Variants in SCHIP1 observed in about 807,000 individuals in gnomAD.
The protein encoded by SCHIP1 is schwannomin interacting protein 1, also known as schwannomin-interacting protein 1.
SCHIP1 carries 8 observed loss-of-function variants against 29.7 expected under a neutral mutation model. The observed-to-expected ratio is 0.27, with a 90% CI of 0.16 to 0.49. The LOEUF (loss-of-function observed/expected upper bound fraction) is 0.49, where lower values mean the gene tolerates loss of function less well. Among genes scored for constraint, SCHIP1 ranks in the 20% least tolerant of loss-of-function variants. The probability of loss-of-function intolerance (pLI) is 0.99; values close to 1 mark genes in which losing one functional copy is unlikely to be tolerated. For missense variants in SCHIP1, 193 were observed against 294.6 expected (o/e 0.66, Z 2.52); for synonymous variants, 76 against 94.9 (o/e 0.80, Z 1.16).
chr3:159,741,081 G>A, the SCHIP1 span, among the ~76,000 whole-genome samples: 2 of 152,134 alleles, frequency 1.3e-5, no homozygotes, highest in Non-Finnish European at 2.9e-5. Flanking sequence ...GCTCCCTGAA[G>A]AGAGGTATTG....
At chr3:159,427,510 A>C in the SCHIP1 span, among the ~76,000 whole-genome samples, 1 of 152,186 alleles carries the variant, frequency 6.6e-6, no homozygotes, top group Non-Finnish European at 1.5e-5. Context: ...GACCTCTTCA[A>C]GGAGAACTAC....
chr3:159,549,070 T>G, the SCHIP1 span, among the ~76,000 whole-genome samples: 15 of 152,260 alleles, frequency 9.9e-5, no homozygotes, highest in African/African-American at 3.6e-4. Flanking sequence ...GAACTGAAAT[T>G]GCAAACTCTA....
chr3:159,607,571 C>T, the SCHIP1 span, among the ~76,000 whole-genome samples: 1 of 151,954 alleles, frequency 6.6e-6, no homozygotes, highest in Non-Finnish European at 1.5e-5. Flanking sequence ...AGAACCAGGG[C>T]CACAGAGAAT....
chr3:159,610,838 A>G, the SCHIP1 span, among the ~76,000 whole-genome samples: 1 of 152,260 alleles, frequency 6.6e-6, no homozygotes, highest in Admixed American at 6.5e-5. Context: ...GAAGAGCTCA[A>G]TGAAACATCC....
At chr3:159,736,705 C>G in the SCHIP1 span, among the ~76,000 whole-genome samples, 1 of 152,056 alleles carries the variant, frequency 6.6e-6, no homozygotes, top group East Asian at 1.9e-4. Flanking sequence ...ACGTTCTCCC[C>G]ACACCTACCC....
the SCHIP1 span, among the ~76,000 whole-genome samples, chr3:159,686,996 A>C: frequency 6.6e-6 from 1 of 152,276 alleles, no homozygotes; most frequent in Admixed American, 6.5e-5. Context: ...CCACTACAGA[A>C]GTGCCCACAC....
the SCHIP1 span, among the ~76,000 whole-genome samples, chr3:159,512,415 T>C: frequency 6.6e-6 from 1 of 152,184 alleles, no homozygotes; most frequent in East Asian, 1.9e-4. Context: ...TATGAGTATT[T>C]CATAGCCCAG....
At chr3:159,466,970 A>G in the SCHIP1 span, among the ~76,000 whole-genome samples, 1 of 152,096 alleles carries the variant, frequency 6.6e-6, no homozygotes, top group African/African-American at 2.4e-5. Context: ...TTTCAATAAT[A>G]AATAAACAAC....
the SCHIP1 span, among the ~76,000 whole-genome samples, chr3:159,414,352 A>T: frequency 6.6e-6 from 1 of 152,188 alleles, no homozygotes; most frequent in Non-Finnish European, 1.5e-5. Context: ...CCCGGTAAGC[A>T]TTATTGTCTT....
chr3:159,663,973 G>A, the SCHIP1 span, among the ~76,000 whole-genome samples: 5 of 152,012 alleles, frequency 3.3e-5, no homozygotes, highest in Non-Finnish European at 5.9e-5. Flanking sequence ...TTTTAAAATC[G>A]CTAACTCGGT....
chr3:159,634,500 G>T, the SCHIP1 span, among the ~76,000 whole-genome samples: 13 of 152,254 alleles, frequency 8.5e-5, no homozygotes, highest in Middle Eastern at 3.4e-3. Context: ...TTAGTCGTTG[G>T]TTTCACAAAG....
At chr3:159,831,239 T>A in the SCHIP1 span, among the ~76,000 whole-genome samples, 1 of 152,198 alleles carries the variant, frequency 6.6e-6, no homozygotes, top group Non-Finnish European at 1.5e-5. Context: ...GATGATTTAG[T>A]GTGTCATGAA....
At chr3:159,650,508 C>A in the SCHIP1 span, among the ~76,000 whole-genome samples, 5 of 152,122 alleles carry the variant, frequency 3.3e-5, no homozygotes, top group African/African-American at 1.2e-4. Context: ...CAGCTATAAA[C>A]TTCCACAATA....
the SCHIP1 span, among the ~76,000 whole-genome samples, chr3:159,351,453 A>G: frequency 0.22 from 33,784 of 152,090 alleles, 3,910 homozygotes; most frequent in Middle Eastern, 0.29. Flanking sequence ...TGTGTTTTCA[A>G]TGAGTTAGGG....
At chr3:159,831,601 TA>T in the SCHIP1 span, among the ~76,000 whole-genome samples, 2 of 152,192 alleles carry the variant, frequency 1.3e-5, no homozygotes, top group African/African-American at 4.8e-5. Context: ...TTGAGGTCGT[TA>T]TTAAGTAAAG....
the SCHIP1 span, among the ~76,000 whole-genome samples, chr3:159,770,250 A>G: frequency 5.3e-5 from 8 of 152,168 alleles, no homozygotes; most frequent in Admixed American, 3.9e-4. Flanking sequence ...TTATGGACAC[A>G]TGTATACACT....
At chr3:159,694,679 T>G in the SCHIP1 span, among the ~76,000 whole-genome samples, 2 of 152,022 alleles carry the variant, frequency 1.3e-5, no homozygotes, top group African/African-American at 2.4e-5. Context: ...TCCCCTAAAT[T>G]TACAACTGAG....
chr3:159,458,900 T>C, the SCHIP1 span, among the ~76,000 whole-genome samples: 1 of 152,212 alleles, frequency 6.6e-6, no homozygotes, highest in East Asian at 1.9e-4. Flanking sequence ...GGGACTTTCC[T>C]GAGCTTGTGC....
chr3:159,611,341 A>G, the SCHIP1 span, among the ~76,000 whole-genome samples: 1 of 152,134 alleles, frequency 6.6e-6, no homozygotes, highest in African/African-American at 2.4e-5. Context: ...TTGCAATACT[A>G]TGCAGCCATA....
Sources: gnomAD v4.1 joint callset for allele counts (sites outside exome capture counted in the v4.1 genomes callset) on GRCh38, gnomAD v4.1.1 for gene constraint, MANE v1.5 for transcripts, NCBI Gene and HGNC (gene_info 2026-07-23, HGNC 2026-07-21) for gene names.